Variants in L3MBTL3 observed in about 807,000 individuals in gnomAD.
L3MBTL3 encodes the protein lethal(3)malignant brain tumor-like protein 3.
In L3MBTL3, 27 loss-of-function variants were observed where a neutral mutation model predicts 102.3. The ratio of observed to expected loss-of-function variants is 0.26; its 90% CI spans 0.19 to 0.36. L3MBTL3 has a LOEUF of 0.36. Ranked by LOEUF, L3MBTL3 falls within the 10% of genes least tolerant of loss-of-function variation. The pLI, the probability that L3MBTL3 is intolerant of heterozygous loss-of-function variation, is 1.00. For missense variants in L3MBTL3, 798 were observed against 955.3 expected, an observed-to-expected ratio of 0.84 and a Z score of 2.17; for synonymous variants, 340 against 320.9, an observed-to-expected ratio of 1.06 and a Z score of -0.64.
chr6:130,079,998 T>TA (rs1187868322), intron 14 of L3MBTL3, among the ~76,000 whole-genome samples: 1 of 152,194 alleles, frequency 6.6e-6, no homozygotes, highest in Non-Finnish European at 1.5e-5. Flanking sequence ...CTCACGCCTA[T>TA]AATCTCAGCA....
At position 130,139,590 on chromosome 6, in the gene L3MBTL3, G is replaced by GT. The variant is rs769477253; in HGVS notation, c.2200-13dup. 13 of 1,608,028 alleles carry GT rather than the reference G, an allele frequency of 8.1e-6. No homozygotes were observed. The highest frequency in any genetic ancestry group is 2.2e-5 in the South Asian group (2 of 90,880). On this transcript the variant is annotated intron_variant, in intron 22 of 22. Coordinates refer to ENST00000361794, the MANE Select transcript of L3MBTL3 (RefSeq NM_032438.4). ...GCATCTTGTTAATCCACATTCTGTTGTTTTTTTCCCCCATTTTAGCAAATT... is the reference window on the plus strand; with the variant it reads ...GCATCTTGTTAATCCACATTCTGTTGTTTTTTTTCCCCCATTTTAGCAAATT...
intron 9 of L3MBTL3, among the ~76,000 whole-genome samples, chr6:130,059,787 G>T (rs1781771711): frequency 6.6e-6 from 1 of 152,130 alleles, no homozygotes; most frequent in Non-Finnish European, 1.5e-5. Context: ...TGTCTCTTCT[G>T]CATGAGGTCG....
At chr6:130,087,536 A>C (rs969269057) in intron 16 of L3MBTL3, among the ~76,000 whole-genome samples, 2 of 152,184 alleles carry the variant, frequency 1.3e-5, no homozygotes, top group African/African-American at 4.8e-5. Context: ...GCTGGTGGGA[A>C]TGTAAAATGT....
intron 10 of L3MBTL3, among the ~76,000 whole-genome samples, chr6:130,064,397 A>G (rs901835350): frequency 2.0e-5 from 3 of 152,104 alleles, no homozygotes; most frequent in Non-Finnish European, 4.4e-5. Flanking sequence ...TTTTAAATTT[A>G]ATACTAAGAA....
chr6:130,138,242 C>T (rs1787915400), intron 22 of L3MBTL3: 1 of 152,166 alleles, frequency 6.6e-6, no homozygotes, highest in Non-Finnish European at 1.5e-5. Context: ...GCTAGGGCCA[C>T]CATAACAATG....
At chr6:130,092,046 G>A (rs73600301) in intron 16 of L3MBTL3, among the ~76,000 whole-genome samples, 2,461 of 152,156 alleles carry the variant, frequency 0.016, 66 homozygotes, top group African/African-American at 0.056. Context: ...AGCTGGAGGT[G>A]ATGGATACCC....
At chr6:130,048,971 T>TACACAC (rs1780908461) in intron 3 of L3MBTL3, among the ~76,000 whole-genome samples, 1 of 53,808 alleles carries the variant, frequency 1.9e-5, no homozygotes, top group South Asian at 5.7e-4. Context: ...CACACACACA[T>TACACAC]ACACACACAA....
At chr6:130,055,673 T>A (rs1332261597) in intron 8 of L3MBTL3, among the ~76,000 whole-genome samples, 1 of 109,544 alleles carries the variant, frequency 9.1e-6, no homozygotes, top group Non-Finnish European at 1.9e-5. Context: ...TCTCTCTCCC[T>A]CCCTCCATCC....
At chr6:130,109,378 G>T (rs558170089) in intron 19 of L3MBTL3, among the ~76,000 whole-genome samples, 2 of 152,118 alleles carry the variant, frequency 1.3e-5, no homozygotes, top group Non-Finnish European at 2.9e-5. Flanking sequence ...GTTGTTTCGT[G>T]ACTTTTTGAT....
intron 1 of L3MBTL3, among the ~76,000 whole-genome samples, chr6:130,019,943 C>G (rs1329974366): frequency 8.3e-6 from 1 of 120,690 alleles, no homozygotes; most frequent in African/African-American, 3.0e-5. Flanking sequence ...CGCGCCGGCC[C>G]GGGTGCGGGC....
At chr6:130,029,694 C>A (rs568452414) in intron 2 of L3MBTL3, among the ~76,000 whole-genome samples, 1 of 152,248 alleles carries the variant, frequency 6.6e-6, no homozygotes, top group Admixed American at 6.5e-5. Context: ...ATTAAATAGG[C>A]CTTTTTTGAT....
At chr6:130,104,101 G>T (rs906768389) in intron 18 of L3MBTL3, among the ~76,000 whole-genome samples, 7 of 152,196 alleles carry the variant, frequency 4.6e-5, no homozygotes, top group Non-Finnish European at 1.5e-5. Context: ...TGTCCTGAAT[G>T]ATGTCTTAAG....
intron 13 of L3MBTL3, among the ~76,000 whole-genome samples, chr6:130,075,384 G>T (rs1782884776): frequency 6.6e-6 from 1 of 152,090 alleles, no homozygotes; most frequent in African/African-American, 2.4e-5. Context: ...GAATATTCTT[G>T]GCTAAGGAAA....
chr6:130,023,740 T>C (rs761547923), intron 2 of L3MBTL3, among the ~76,000 whole-genome samples: 9 of 152,194 alleles, frequency 5.9e-5, no homozygotes, highest in Admixed American at 2.0e-4. Flanking sequence ...TTTACCTTCG[T>C]CCAGCTTTAT....
At chr6:130,063,783 G>T (rs1782063112) in intron 10 of L3MBTL3, among the ~76,000 whole-genome samples, 1 of 152,022 alleles carries the variant, frequency 6.6e-6, no homozygotes, top group South Asian at 2.1e-4. Flanking sequence ...CTATGTCAGG[G>T]GCCATTTTAA....
chr6:130,092,866 GAC>G lies in L3MBTL3; in HGVS notation c.1633+10_1633+11del. On this transcript the variant is annotated splice_region_variant and intron_variant, in intron 17 of 22. Transcript: ENST00000361794. ...CCCCTTCAGCCTCCTTTGAGTAAGA[GAC>G]ACGAATAGCTTGTATAAATGTTTCC... 6.9e-7 allele frequency: 1 copy of G among 1,451,302 alleles called. No individual in the cohort carries two copies. Among genetic ancestry groups the G allele is most frequent in the Non-Finnish European group, 9.7e-7 (1 of 1,031,952 alleles). The allele number at this position is 1,451,302 out of a possible 1,614,324, so 89.9% of individuals were successfully genotyped here.
intron 14 of L3MBTL3, among the ~76,000 whole-genome samples, chr6:130,082,406 CTATT>C (rs1285743650): frequency 6.6e-6 from 1 of 152,090 alleles, no homozygotes; most frequent in Non-Finnish European, 1.5e-5. Flanking sequence ...TCTTATCTTC[CTATT>C]TATTTGTTCA....
Position 130,117,332 on chromosome 6 carries a change from A to G in L3MBTL3, c.1887-3547A>G, listed in dbSNP as rs539850586. On this transcript the variant is annotated intron_variant, in intron 19 of 22. Coordinates refer to ENST00000361794, the MANE Select transcript of L3MBTL3 (RefSeq NM_032438.4). ...ATTTTTTATGGCTGCATAGTATTCC[A>G]TGGTGTATATGTGCCACATTTTCTT... 3.3e-4 allele frequency among the ~76,000 whole-genome samples: 50 copies of G among 151,024 alleles called. 1 individual carries two copies. Among genetic ancestry groups the G allele is most frequent in the Admixed American group, 9.3e-4 (14 of 15,130 alleles).
chr6:130,040,681 A>ATCG (rs1470821493), intron 2 of L3MBTL3, among the ~76,000 whole-genome samples: 1 of 152,178 alleles, frequency 6.6e-6, no homozygotes, highest in Non-Finnish European at 1.5e-5. Flanking sequence ...GGCCCACTTC[A>ATCG]TTAATTTTTG....
Sources: gnomAD v4.1 joint callset for allele counts (sites outside exome capture counted in the v4.1 genomes callset) on GRCh38, gnomAD v4.1.1 for gene constraint, MANE v1.5 for transcripts, NCBI Gene and HGNC (gene_info 2026-07-23, HGNC 2026-07-21) for gene names.